Variants in MAP1B observed in about 807,000 individuals in gnomAD.
The protein encoded by MAP1B is microtubule associated protein 1B, also known as microtubule-associated protein 1B.
MAP1B carries 12 observed loss-of-function variants against 176.1 expected under a neutral mutation model. The observed-to-expected ratio is 0.07, with a 90% CI of 0.04 to 0.11. The LOEUF is 0.11. Among genes scored for constraint, MAP1B ranks in the 10% least tolerant of loss-of-function variants. The pLI is 1.00. For synonymous variants in MAP1B, 1,044 were observed against 1,135.0 expected (o/e 0.92, Z 1.61); for missense variants, 2,523 against 2,990.5 (o/e 0.84, Z 3.65).
At chr5:72,122,697 G>A (rs1745552243) in intron 2 of MAP1B, among the ~76,000 whole-genome samples, 2 of 150,096 alleles carry the variant, frequency 1.3e-5, no homozygotes, top group Non-Finnish European at 3.0e-5. Flanking sequence ...GACTGTAATG[G>A]CTCTCACGCA....
intron 2 of MAP1B, among the ~76,000 whole-genome samples, chr5:72,176,517 C>T (rs748197580): frequency 6.6e-6 from 1 of 152,206 alleles, no homozygotes. Flanking sequence ...CATAAAAATG[C>T]TGTGAGACAA....
At chr5:72,203,075 T>C (rs1731854680) in intron 5 of MAP1B, among the ~76,000 whole-genome samples, 1 of 152,208 alleles carries the variant, frequency 6.6e-6, no homozygotes, top group Non-Finnish European at 1.5e-5. Context: ...TGTTAGGGTA[T>C]AATATCCAGC....
At chr5:72,132,677 C>A (rs549434959) in intron 2 of MAP1B, among the ~76,000 whole-genome samples, 1 of 152,158 alleles carries the variant, frequency 6.6e-6, no homozygotes, top group Non-Finnish European at 1.5e-5. Context: ...TTCAGCCCAC[C>A]CTGTTTTTAT....
intron 5 of MAP1B, 91 bp from the exon 6 acceptor site, chr5:72,203,472 G>C: frequency 1.1e-6 from 1 of 894,190 alleles, no homozygotes; most frequent in Non-Finnish European, 1.9e-6. Context: ...TGATTGAATA[G>C]GGAAGGTGTG....
At chr5:72,130,003 G>A (rs1745699710) in intron 2 of MAP1B, among the ~76,000 whole-genome samples, 1 of 152,246 alleles carries the variant, frequency 6.6e-6, no homozygotes, top group South Asian at 2.1e-4. Context: ...CTAGAAATAT[G>A]ATTCTGTCAT....
At chr5:72,200,407 C>T (rs1056204288) in intron 5 of MAP1B, 40 bp downstream of exon 5, 2 of 1,588,468 alleles carry the variant, frequency 1.3e-6, no homozygotes, top group Non-Finnish European at 1.7e-6. Flanking sequence ...ATGTCACAAC[C>T]ATTCTACTTG....
Position 72,107,592 on chromosome 5 carries a change from GCGGCGT to G in MAP1B, c.63_68del (p.Ala22_Ser23del). The G allele has an allele frequency of 1.3e-6, 2 of 1,594,288 alleles. No individual in the cohort carries two copies. The highest frequency in any genetic ancestry group is 1.7e-6 in the Non-Finnish European group (2 of 1,176,594). On this transcript the variant is annotated inframe_deletion, in exon 1 of 7. Transcript: ENST00000296755. ...GCCGTCCGGCAGCATCGCCAACCCG[GCGGCGT>G]CCACCTCGCCTAGCCTGTCGCACCG...
chr5:72,148,411 G>C (rs1256338251), intron 2 of MAP1B, among the ~76,000 whole-genome samples: 2 of 152,204 alleles, frequency 1.3e-5, no homozygotes, highest in Non-Finnish European at 2.9e-5. Flanking sequence ...TCAGCCACCT[G>C]TCCTTGATGT....
intron 2 of MAP1B, among the ~76,000 whole-genome samples, chr5:72,151,556 A>G (rs759301569): frequency 1.3e-5 from 2 of 152,240 alleles, no homozygotes; most frequent in Admixed American, 6.5e-5. Flanking sequence ...TCAAAGATGA[A>G]CAAGGATGAT....
intron 2 of MAP1B, among the ~76,000 whole-genome samples, chr5:72,172,064 T>A (rs1746553143): frequency 6.6e-6 from 1 of 152,232 alleles, no homozygotes; most frequent in South Asian, 2.1e-4. Context: ...TGTAATGATA[T>A]GACCAGATTT....
At position 72,194,188 on chromosome 5, in the gene MAP1B, A is replaced by G. The variant is rs905014735; in HGVS notation, c.833A>G (p.Asn278Ser). 1 of 1,614,148 alleles carries G rather than the reference A, an allele frequency of 6.2e-7. No homozygotes were observed. The highest frequency in any genetic ancestry group is 1.7e-5 in the Admixed American group (1 of 60,016). Residue 278 changes from asparagine (N) to serine (S), a missense_variant, in exon 5 of 7, where the codon AAT (asparagine) becomes AGT (serine). Coordinates refer to ENST00000296755, the MANE Select transcript of MAP1B (RefSeq NM_005909.5). The surrounding 1 kb of genome is among the most constrained non-coding windows in gnomAD (Gnocchi z 7.2). Reference protein sequence around the residue: ...GRGDSALFAVNGFNMLINGGS... With the variant: ...GRGDSALFAVSGFNMLINGGS... ...GGCGATTCTGCCTTGTTTGCAGTGA[A>G]TGGTTTCAATATGCTCATCAATGGC... is the stretch of plus-strand genomic sequence containing the variant.
intron 2 of MAP1B, among the ~76,000 whole-genome samples, chr5:72,159,221 G>T (rs1028970966): frequency 3.3e-5 from 5 of 152,140 alleles, no homozygotes; most frequent in Non-Finnish European, 7.4e-5. Flanking sequence ...ATGAAAGATT[G>T]TAAAAAGGCT....
At position 72,199,741 on chromosome 5, in the gene MAP1B, C is replaced by T. The variant is rs139907989; in HGVS notation, c.6386C>T (p.Ala2129Val). 36 of 1,614,002 alleles carry T rather than the reference C, an allele frequency of 2.2e-5. No homozygotes were observed. Among genetic ancestry groups the T allele is most frequent in the Non-Finnish European group, 2.9e-5 (34 of 1,180,032 alleles). ...SEKPLTQSGGAPPPPGGKQQG... is the reference protein window; with the variant it reads ...SEKPLTQSGGVPPPPGGKQQG... ...AAGCCCCTCACTCAATCAGGGGGAG[C>T]CCCACCGCCTCCAGGAGGAAAGCAA... is the stretch of plus-strand genomic sequence containing the variant. The change falls in exon 5 of 7, where the codon GCC becomes GTC. Residue 2129 changes from alanine (A) to valine (V), a missense_variant. Coordinates refer to ENST00000296755, the MANE Select transcript of MAP1B (RefSeq NM_005909.5). This position sits in a 1 kb window ranked among gnomAD's most constrained non-coding sequence, Gnocchi z 4.2.
chr5:72,159,769 A>G (rs1349263171), intron 2 of MAP1B, among the ~76,000 whole-genome samples: 1 of 152,216 alleles, frequency 6.6e-6, no homozygotes, highest in Non-Finnish European at 1.5e-5. Context: ...TACAGGAACT[A>G]GGAGCTTCAT....
Position 72,196,485 on chromosome 5 carries a change from TA to T in MAP1B, c.3131del (p.Tyr1044LeufsTer2). 6.2e-7 allele frequency: 1 copy of T among 1,613,802 alleles called. No homozygotes were observed. The highest frequency in any genetic ancestry group is 8.5e-7 in the Non-Finnish European group (1 of 1,180,014). On this transcript the variant is annotated frameshift_variant, in exon 5 of 7. Coordinates refer to ENST00000296755, the MANE Select transcript of MAP1B (RefSeq NM_005909.5). LOFTEE classifies it high-confidence loss of function. This position sits in a 1 kb window ranked among gnomAD's most constrained non-coding sequence, Gnocchi z 5.3. ...YEPEKMEAED[Y>X]VMAVVDKAAE... ...GCCGGAAAAAATGGAAGCTGAAGACTATGTGATGGCTGTGGTCGACAAGGCT... is the reference window on the plus strand; with the variant it reads ...GCCGGAAAAAATGGAAGCTGAAGACTTGTGATGGCTGTGGTCGACAAGGCT...
intron 2 of MAP1B, among the ~76,000 whole-genome samples, chr5:72,165,662 T>C (rs56892022): frequency 0.065 from 9,937 of 152,226 alleles, 799 homozygotes; most frequent in African/African-American, 0.19. Flanking sequence ...ATTAGTTCAC[T>C]TAGCCATTTA....
chr5:72,148,023 C>T (rs1265754308), intron 2 of MAP1B, among the ~76,000 whole-genome samples: 1 of 152,034 alleles, frequency 6.6e-6, no homozygotes, highest in African/African-American at 2.4e-5. Context: ...GTAAGTTTCT[C>T]TAAATGTCAG....
At chr5:72,167,225 A>C (rs1746449723) in intron 2 of MAP1B, among the ~76,000 whole-genome samples, 1 of 152,026 alleles carries the variant, frequency 6.6e-6, no homozygotes, top group Non-Finnish European at 1.5e-5. Context: ...ATTGAGCAGA[A>C]TTTCCTATTT....
At chr5:72,135,061 C>T (rs925932565) in intron 2 of MAP1B, among the ~76,000 whole-genome samples, 3 of 151,092 alleles carry the variant, frequency 2.0e-5, no homozygotes, top group African/African-American at 7.3e-5. Context: ...CATTTCCAGC[C>T]CCTCCCGCAA....
Sources: allele counts gnomAD v4.1 joint callset (sites outside exome capture counted in the v4.1 genomes callset), GRCh38; gene constraint gnomAD v4.1.1; non-coding constraint Gnocchi (gnomAD v3.1); transcripts MANE v1.5; gene names NCBI Gene and HGNC (gene_info 2026-07-23, HGNC 2026-07-21).